CLTB: variants seen among roughly 807,000 people sequenced by gnomAD.
CLTB encodes the protein clathrin light chain B.
In CLTB, 10 loss-of-function variants were observed where a neutral mutation model predicts 30.5. The ratio of observed to expected loss-of-function variants is 0.33; its 90% confidence interval spans 0.20 to 0.56. The LOEUF (loss-of-function observed/expected upper bound fraction) is 0.56, where lower values mean the gene tolerates loss of function less well. CLTB is among the 20% of genes least tolerant of loss of function. The probability of loss-of-function intolerance (pLI) is 0.91; values close to 1 mark genes in which losing one functional copy is unlikely to be tolerated. For synonymous variants in CLTB, 102 were observed against 120.3 expected, an observed-to-expected ratio of 0.85 and a Z score of 1.00; for missense variants, 261 against 308.3, an observed-to-expected ratio of 0.85 and a Z score of 1.15.
chr5:176,394,628 C>T (rs557267124), intron 5 of CLTB, among the ~76,000 whole-genome samples: 7 of 149,392 alleles, frequency 4.7e-5, no homozygotes, highest in Non-Finnish European at 8.9e-5. Context: ...TCCTGGCTAA[C>T]ACGGTGAAAC....
intron 5 of CLTB, 133 bp downstream of exon 5, chr5:176,396,346 A>T: frequency 1.2e-6 from 1 of 821,540 alleles, no homozygotes. Flanking sequence ...CCACCAGGGC[A>T]TTTGCCTCCT....
intron 1 of CLTB, among the ~76,000 whole-genome samples, chr5:176,411,279 GCTGA>G (rs142091529): frequency 0.11 from 16,707 of 152,208 alleles, 1,140 homozygotes; most frequent in South Asian, 0.18. Flanking sequence ...AATTGCCAGG[GCTGA>G]CAGTCTGTAA....
At position 176,411,104 on chromosome 5, in the gene CLTB, T is replaced by C. The variant is rs530855766; in HGVS notation, c.188-801A>G. Reference sequence around the variant, plus strand: ...AACTGTGTCTCTTTCTCTTCTCCTGTGTCTTTCCCAGAGACTTGCATGCAC... The same window carrying C: ...AACTGTGTCTCTTTCTCTTCTCCTGCGTCTTTCCCAGAGACTTGCATGCAC... On this transcript the variant is annotated intron_variant, in intron 1 of 5. Coordinates refer to ENST00000310418, the MANE Select transcript of CLTB (RefSeq NM_007097.5). 5.3e-5 allele frequency among the ~76,000 whole-genome samples: 8 copies of C among 152,368 alleles called. No individual in the cohort carries two copies. The South Asian group carries it at 1.7e-3, about 32-fold the overall frequency.
At chr5:176,411,974 A>T (rs576566339) in intron 1 of CLTB, among the ~76,000 whole-genome samples, 1 of 152,076 alleles carries the variant, frequency 6.6e-6, no homozygotes, top group South Asian at 2.1e-4. Flanking sequence ...CAGGAGATCG[A>T]GACCATCCTG....
At chr5:176,395,552 C>T (rs1244307632) in intron 5 of CLTB, among the ~76,000 whole-genome samples, 1 of 152,176 alleles carries the variant, frequency 6.6e-6, no homozygotes, top group Non-Finnish European at 1.5e-5. Flanking sequence ...ACAGCAAGTA[C>T]CTTCTCTTCA....
intron 4 of CLTB, among the ~76,000 whole-genome samples, chr5:176,396,842 TGAGTCCACAG>T (rs1561792058): frequency 6.6e-6 from 1 of 152,156 alleles, no homozygotes; most frequent in African/African-American, 2.4e-5. Context: ...CCTTACAGTG[TGAGTCCACAG>T]GTTCCTGCCT....
chr5:176,413,444 T>G (rs978414065), intron 1 of CLTB, among the ~76,000 whole-genome samples: 1 of 152,182 alleles, frequency 6.6e-6, no homozygotes, highest in African/African-American at 2.4e-5. Context: ...AAAGTGTCCA[T>G]CATCCAGATC....
intron 1 of CLTB, 27 bp downstream of exon 1, chr5:176,416,150 C>T: frequency 2.6e-6 from 4 of 1,523,558 alleles, no homozygotes; most frequent in South Asian, 1.2e-5. Context: ...CGCCCTGAGC[C>T]CCTCTCCAGG....
In CLTB at chr5:176,416,388, T is replaced by C. The variant is rs538700112; in HGVS notation, c.-25A>G. 4.4e-6 allele frequency: 7 copies of C among 1,577,894 alleles called. No individual in the cohort carries two copies. The African/African-American group carries it at 9.9e-5, about 22-fold the overall frequency. On this transcript the variant is annotated 5_prime_UTR_variant, in exon 1 of 6. Coordinates refer to ENST00000310418, the MANE Select transcript of CLTB (RefSeq NM_007097.5). ...TTTTCCCCGCGCCTCCGCCGGAGCC[T>C]CCGCTGCGCTCGGCTCTGCCCGCGC...
At chr5:176,394,624 C>T (rs1756422334) in intron 5 of CLTB, among the ~76,000 whole-genome samples, 1 of 151,096 alleles carries the variant, frequency 6.6e-6, no homozygotes, top group Non-Finnish European at 1.5e-5. Context: ...AGCATCCTGG[C>T]TAACACGGTG....
chr5:176,398,173 T>C (rs1314064704), intron 2 of CLTB, 126 bp from the exon 3 acceptor site: 1 of 770,414 alleles, frequency 1.3e-6, no homozygotes, highest in Non-Finnish European at 2.2e-6. Context: ...CCACTGTCTC[T>C]GGTGACTACA....
At chr5:176,412,309 G>A (rs546049055) in intron 1 of CLTB, among the ~76,000 whole-genome samples, 62 of 152,034 alleles carry the variant, frequency 4.1e-4, no homozygotes, top group Non-Finnish European at 7.4e-4. Flanking sequence ...TCTCACTTCC[G>A]GGGTATCCCA....
intron 2 of CLTB, chr5:176,401,681 G>A (rs1186912126): frequency 4.4e-6 from 2 of 455,244 alleles, no homozygotes; most frequent in East Asian, 7.0e-5. Context: ...TCACTCGCTC[G>A]CCTTGTGTTG....
chr5:176,396,948 C>CTGCCCTTTT (rs920351782), intron 4 of CLTB, among the ~76,000 whole-genome samples: 4 of 152,038 alleles, frequency 2.6e-5, no homozygotes, highest in Non-Finnish European at 4.4e-5. Context: ...CCCCTACCTC[C>CTGCCCTTTT]TGCCCTTTTT....
At chr5:176,402,023 C>A (rs183883882) in intron 2 of CLTB, among the ~76,000 whole-genome samples, 25 of 152,344 alleles carry the variant, frequency 1.6e-4, no homozygotes, top group Non-Finnish European at 3.1e-4. Context: ...CCAAAGGCAG[C>A]CGGGCACGGT....
intron 2 of CLTB, among the ~76,000 whole-genome samples, chr5:176,403,426 GGTTTTTT>G (rs981944259): frequency 6.6e-6 from 1 of 151,016 alleles, no homozygotes; most frequent in Admixed American, 6.6e-5. Context: ...CTACATGGTT[GGTTTTTT>G]GTTTTTTGGT....
chr5:176,408,484 C>T (rs1297782855), intron 2 of CLTB, among the ~76,000 whole-genome samples: 3 of 150,498 alleles, frequency 2.0e-5, no homozygotes, highest in African/African-American at 4.9e-5. Flanking sequence ...TGCAGGGAGC[C>T]GAGATCGTGC....
chr5:176,414,562 G>A (rs78647426), intron 1 of CLTB, among the ~76,000 whole-genome samples: 2,367 of 151,468 alleles, frequency 0.016, 40 homozygotes, highest in East Asian at 0.079. Context: ...CAGCCTTCCC[G>A]AGCAGCTGGA....
chr5:176,401,756 C>G (rs1756829073), intron 2 of CLTB: 1 of 456,270 alleles, frequency 2.2e-6, no homozygotes, highest in Non-Finnish European at 4.4e-6. Context: ...AAAATGAAAA[C>G]AGCGACACTG....
Sources: allele counts gnomAD v4.1 joint callset (sites outside exome capture counted in the v4.1 genomes callset), GRCh38; gene constraint gnomAD v4.1.1; transcripts MANE v1.5; gene names NCBI Gene and HGNC (gene_info 2026-07-23, HGNC 2026-07-21).